UBR1: variants seen among roughly 807,000 people sequenced by gnomAD.
UBR1 encodes ubiquitin protein ligase E3 component n-recognin 1.
A neutral mutation model predicts 242.1 loss-of-function variants in UBR1; 102 were observed. The ratio of observed to expected loss-of-function variants is 0.42; its 90% CI spans 0.36 to 0.50. The LOEUF is 0.50. Ranked by LOEUF, UBR1 falls within the 20% of genes least tolerant of loss-of-function variation. UBR1 has a pLI of 0.01. For missense variants in UBR1, 1,772 were observed against 2,101.8 expected (o/e 0.84, Z 3.07); for synonymous variants, 675 against 684.8 (o/e 0.99, Z 0.22).
chr15:42,950,181 C>G, intron 46 of UBR1, 81 bp downstream of exon 46: 1 of 1,274,074 alleles, frequency 7.8e-7, no homozygotes, highest in Non-Finnish European at 1.1e-6. Flanking sequence ...CGTTTACATA[C>G]AATAATGTGA....
chr15:42,951,914 C>T (rs2031840694), intron 45 of UBR1, among the ~76,000 whole-genome samples: 1 of 152,174 alleles, frequency 6.6e-6, no homozygotes, highest in African/African-American at 2.4e-5. Context: ...GCCTGGCCTA[C>T]ATGTACCTTT....
At chr15:42,958,126 G>A in intron 43 of UBR1, 36 bp from the exon 44 acceptor site, 1 of 1,505,588 alleles carries the variant, frequency 6.6e-7, no homozygotes, top group African/African-American at 1.4e-5. Context: ...TTATTTTAGA[G>A]TAAATAACCC....
intron 14 of UBR1, among the ~76,000 whole-genome samples, chr15:43,045,145 T>C (rs1338603231): frequency 6.6e-6 from 1 of 152,106 alleles, no homozygotes; most frequent in Non-Finnish European, 1.5e-5. Flanking sequence ...AAGGAAATGA[T>C]GACAGGTCCA....
Position 43,008,335 on chromosome 15 carries a change from G to A in UBR1, c.3210-1051C>T, listed in dbSNP as rs138547205. Among the ~76,000 whole-genome samples the A allele has an allele frequency of 9.2e-3, 1,399 of 152,372 alleles. 19 individuals are homozygous for A. Among genetic ancestry groups the A allele is most frequent in the African/African-American group, 0.032 (1,328 of 41,586 alleles). ...TCTCCGCACTCCCAATGCCCGCTCC[G>A]ATTTTGGAGCAAAGCTGTGGCCAAG... On this transcript the variant is annotated intron_variant, in intron 29 of 46. Coordinates refer to ENST00000290650, the MANE Select transcript of UBR1 (RefSeq NM_174916.3).
rs556667262 is a variant in UBR1, at chr15:42,984,803, A to C, written c.4053+84T>G. ...TGCTAATTTTTACAGAAAATGAGTA[A>C]AGATTTTTTGTTTTTAATAATAAAC... On this transcript the variant is annotated intron_variant, in intron 36 of 46. Transcript: ENST00000290650. The C allele has an allele frequency of 1.8e-5, 22 of 1,249,242 alleles. No individual in the cohort carries two copies. In the Admixed American group the frequency reaches 2.8e-4, roughly 16 times the overall value. 77.4% of individuals were successfully genotyped at this position (1,249,242 alleles called of 1,614,324 possible).
At chr15:43,061,705 G>A (rs898504761) in intron 6 of UBR1, among the ~76,000 whole-genome samples, 1 of 151,450 alleles carries the variant, frequency 6.6e-6, no homozygotes, top group African/African-American at 2.4e-5. Flanking sequence ...AAGTAACTTA[G>A]GAATGGAAAA....
At chr15:43,005,480 C>A (rs1213360568) in intron 30 of UBR1, among the ~76,000 whole-genome samples, 1 of 151,404 alleles carries the variant, frequency 6.6e-6, no homozygotes, top group African/African-American at 2.4e-5. Flanking sequence ...GGGGGGCAGC[C>A]CCTGCCCAGC....
intron 42 of UBR1, among the ~76,000 whole-genome samples, chr15:42,962,535 G>A (rs2032040236): frequency 6.6e-6 from 1 of 152,010 alleles, no homozygotes; most frequent in South Asian, 2.1e-4. Context: ...CATCACCCAG[G>A]CTGGAGTGCA....
At chr15:42,999,188 C>T (rs1470808708) in intron 32 of UBR1, among the ~76,000 whole-genome samples, 1 of 152,224 alleles carries the variant, frequency 6.6e-6, no homozygotes, top group Non-Finnish European at 1.5e-5. Context: ...ATCCGCCCGC[C>T]TCAGCCTCCC....
intron 35 of UBR1, among the ~76,000 whole-genome samples, chr15:42,986,050 A>G (rs1339028723): frequency 6.6e-6 from 1 of 151,838 alleles, no homozygotes; most frequent in African/African-American, 2.4e-5. Context: ...CCAAAATCAC[A>G]GATTTGTGTT....
At chr15:43,053,385 C>A (rs1369569661) in intron 12 of UBR1, among the ~76,000 whole-genome samples, 1 of 152,002 alleles carries the variant, frequency 6.6e-6, no homozygotes, top group African/African-American at 2.4e-5. Context: ...GTAATGATAG[C>A]CATGGTAGAG....
At chr15:43,095,306 C>G (rs2034146002) in intron 1 of UBR1, among the ~76,000 whole-genome samples, 1 of 152,182 alleles carries the variant, frequency 6.6e-6, no homozygotes, top group Non-Finnish European at 1.5e-5. Context: ...CTTCACTCCT[C>G]TAAACAAGTC....
At chr15:43,067,679 C>T (rs894493459) in intron 6 of UBR1, among the ~76,000 whole-genome samples, 6 of 152,102 alleles carry the variant, frequency 3.9e-5, no homozygotes, top group African/African-American at 1.4e-4. Flanking sequence ...AATTCAGTAA[C>T]TTTCTAATTA....
In UBR1 at chr15:42,960,772, TTC is replaced by T. The variant is rs1315326599; in HGVS notation, c.4701-73_4701-72del. 7 of 1,518,764 alleles carry T rather than the reference TTC, an allele frequency of 4.6e-6. No individual in the cohort carries two copies. In the African/African-American group the frequency reaches 5.6e-5, roughly 12 times the overall value. The allele number at this position is 1,518,764 out of a possible 1,614,324, so 94.1% of individuals were successfully genotyped here. On this transcript the variant is annotated intron_variant, in intron 42 of 46. Transcript: ENST00000290650. ...CAATGCATGATTTGTCAACAAGCCATTCTCTTTTTTTTTTGAGATGGATTCTC... is the reference window on the plus strand; with the variant it reads ...CAATGCATGATTTGTCAACAAGCCATTCTTTTTTTTTTGAGATGGATTCTC...
At chr15:43,087,883 A>T in intron 1 of UBR1, among the ~76,000 whole-genome samples, 1 of 152,230 alleles carries the variant, frequency 6.6e-6, no homozygotes, top group East Asian at 1.9e-4. Context: ...TGGAACATAA[A>T]GCAAAAGTTA....
chr15:43,091,906 C>CA (rs58586323), intron 1 of UBR1: 18,664 of 177,182 alleles, frequency 0.11, 416 homozygotes, highest in Admixed American at 0.12. Context: ...TACACCATCT[C>CA]AAAAAAAAAA....
intron 29 of UBR1, among the ~76,000 whole-genome samples, chr15:43,014,747 GACC>G: frequency 7.5e-6 from 1 of 134,018 alleles, no homozygotes; most frequent in Admixed American, 7.5e-5. Flanking sequence ...GGGAAGTGAG[GACC>G]GTCTCCGCCC....
intron 33 of UBR1, among the ~76,000 whole-genome samples, chr15:42,994,860 C>G (rs1234064785): frequency 6.6e-6 from 1 of 152,152 alleles, no homozygotes; most frequent in Non-Finnish European, 1.5e-5. Flanking sequence ...TGAGTTATCT[C>G]CTCACTCTTG....
In UBR1 at chr15:43,059,714, T is replaced by A. The variant is rs1319547822; in HGVS notation, c.973A>T (p.Met325Leu). Residue 325 changes from methionine (M) to leucine (L), a missense_variant, in exon 8 of 47, where the codon ATG (methionine) becomes TTG (leucine). Around this residue, in one of 3 missense-constraint regions of UBR1, gnomAD observed 734 missense variants for 893.3 expected, o/e 0.82. Coordinates refer to ENST00000290650, the MANE Select transcript of UBR1 (RefSeq NM_174916.3). ...LRLGSWMNKI[M>L]SYSSDFRQIF... is the part of the protein sequence containing the mutation. ...GAGGTATGCTTACTTGAATAGCTCATAATTTTGTTCATCCAGGAACCAAGA... is the reference window on the plus strand; with the variant it reads ...GAGGTATGCTTACTTGAATAGCTCAAAATTTTGTTCATCCAGGAACCAAGA... The A allele has an allele frequency of 1.2e-6, 2 of 1,614,024 alleles. No individual in the cohort carries two copies. The highest frequency in any genetic ancestry group is 3.3e-5 in the Admixed American group (2 of 60,012).
Sources: gnomAD v4.1 joint callset for allele counts (sites outside exome capture counted in the v4.1 genomes callset) on GRCh38, gnomAD v4.1.1 for gene constraint, gnomAD v4.1.1 regional missense constraint, MANE v1.5 for transcripts, NCBI Gene and HGNC (gene_info 2026-07-23, HGNC 2026-07-21) for gene names.